Variants in ATP2B1 observed in about 807,000 individuals in gnomAD.
The protein encoded by ATP2B1 is ATPase plasma membrane Ca2+ transporting 1.
A neutral mutation model predicts 124.2 loss-of-function variants in ATP2B1; 14 were observed. The observed-to-expected ratio is 0.11, with a 90% confidence interval of 0.07 to 0.18. The LOEUF (loss-of-function observed/expected upper bound fraction) is 0.18, where lower values mean the gene tolerates loss of function less well. Among genes scored for constraint, ATP2B1 ranks in the 10% least tolerant of loss-of-function variants. The pLI is 1.00. For missense variants in ATP2B1, 763 were observed against 1,466.1 expected, an observed-to-expected ratio of 0.52 and a Z score of 7.83; for synonymous variants, 449 against 492.4, an observed-to-expected ratio of 0.91 and a Z score of 1.17.
At chr12:89,599,427 C>A in intron 19 of ATP2B1, 128 bp from the exon 20 acceptor site, 7 of 967,946 alleles carry the variant, frequency 7.2e-6, no homozygotes, top group Non-Finnish European at 1.0e-5. Flanking sequence ...GTAATGGGAT[C>A]CTGTTGATTA....
intron 20 of ATP2B1, among the ~76,000 whole-genome samples, chr12:89,596,807 G>A (rs1874700480): frequency 6.6e-6 from 1 of 152,054 alleles, no homozygotes; most frequent in African/African-American, 2.4e-5. Flanking sequence ...TCCTTCTTGT[G>A]GGGTATAAAC....
intron 19 of ATP2B1, 41 bp from the exon 20 acceptor site, chr12:89,599,340 A>G: frequency 6.3e-7 from 1 of 1,592,700 alleles, no homozygotes. Flanking sequence ...AATCATATCA[A>G]GTAAAGGTAA....
At chr12:89,624,432 T>C in intron 8 of ATP2B1, 35 bp from the exon 9 acceptor site, 1 of 1,556,628 alleles carries the variant, frequency 6.4e-7, no homozygotes, top group South Asian at 1.2e-5. Flanking sequence ...AATGTGATTA[T>C]TAAATTTCCA....
intron 18 of ATP2B1, among the ~76,000 whole-genome samples, chr12:89,601,666 T>C (rs1331016521): frequency 6.6e-6 from 1 of 152,166 alleles, no homozygotes; most frequent in Admixed American, 6.5e-5. Context: ...GTAAAATCTC[T>C]GCCCAATATT....
chr12:89,627,753 G>C (rs373627226), intron 6 of ATP2B1, 37 bp from the exon 7 acceptor site: 6 of 1,597,446 alleles, frequency 3.8e-6, no homozygotes, highest in Non-Finnish European at 5.1e-6. Flanking sequence ...CTTTCCAAAA[G>C]AAATGAATAC....
chr12:89,656,070 T>C lies in ATP2B1; in HGVS notation c.-184A>G. The C allele has an allele frequency of 1.8e-6, 1 of 567,400 alleles. No homozygotes were observed. Among genetic ancestry groups the C allele is most frequent in the Non-Finnish European group, 3.0e-6 (1 of 333,322 alleles). The allele number at this position is 567,400 out of a possible 1,614,324, so 35.1% of individuals were successfully genotyped here. On this transcript the variant is annotated 5_prime_UTR_variant, in exon 2 of 21. The change abolishes an upstream ATG in the 5' untranslated region. Coordinates refer to ENST00000428670, the MANE Select transcript of ATP2B1 (RefSeq NM_001366521.1). ...GAGAAGTATCTTGACCTTTGGCCCA[T>C]GACTAGTTTCTCCATATCAATCATG...
intron 1 of ATP2B1, among the ~76,000 whole-genome samples, chr12:89,707,704 C>G (rs1370861304): frequency 6.6e-6 from 1 of 152,120 alleles, no homozygotes; most frequent in South Asian, 2.1e-4. Context: ...GCACAGGGTG[C>G]GAGCACTCCC....
intron 1 of ATP2B1, among the ~76,000 whole-genome samples, chr12:89,667,106 T>C (rs1243902748): frequency 2.0e-5 from 3 of 152,152 alleles, no homozygotes; most frequent in Admixed American, 2.0e-4. Flanking sequence ...CAATGCTTCC[T>C]CCTAATGGCC....
At chr12:89,592,311 C>T (rs1873728637) in intron 20 of ATP2B1, among the ~76,000 whole-genome samples, 1 of 151,966 alleles carries the variant, frequency 6.6e-6, no homozygotes, top group Non-Finnish European at 1.5e-5. Flanking sequence ...CTAATAAATC[C>T]TGTTTAGTAA....
intron 15 of ATP2B1, among the ~76,000 whole-genome samples, chr12:89,604,797 T>C (rs948647990): frequency 6.6e-6 from 1 of 152,076 alleles, no homozygotes; most frequent in African/African-American, 2.4e-5. Flanking sequence ...ACAAGAAAGC[T>C]GAATCCTAAT....
At position 89,698,717 on chromosome 12, in the gene ATP2B1, T is replaced by C. The variant is rs553045183; in HGVS notation, c.-222+9879A>G. On this transcript the variant is annotated intron_variant, in intron 1 of 20. Coordinates refer to ENST00000428670, the MANE Select transcript of ATP2B1 (RefSeq NM_001366521.1). ...TCTGGATTCAATATGGGTTTCACAGTAGGGTGAGCTGACTGGGACATTTTC... is the reference window on the plus strand; with the variant it reads ...TCTGGATTCAATATGGGTTTCACAGCAGGGTGAGCTGACTGGGACATTTTC... Among the ~76,000 whole-genome samples the C allele has an allele frequency of 7.9e-5, 12 of 152,266 alleles. No individual in the cohort carries two copies. The South Asian group carries it at 1.5e-3, about 18-fold the overall frequency.
intron 20 of ATP2B1, among the ~76,000 whole-genome samples, chr12:89,591,682 CA>C (rs1356699628): frequency 3.3e-5 from 5 of 151,754 alleles, no homozygotes; most frequent in Non-Finnish European, 5.9e-5. Flanking sequence ...GAAAACAACT[CA>C]AATAAGTTAA....
chr12:89,662,424 T>C (rs1886824401), intron 1 of ATP2B1, among the ~76,000 whole-genome samples: 1 of 152,172 alleles, frequency 6.6e-6, no homozygotes, highest in African/African-American at 2.4e-5. Flanking sequence ...AAGAGTTTAT[T>C]CTACAAAGTT....
chr12:89,656,502 T>C (rs1411836417), intron 1 of ATP2B1, among the ~76,000 whole-genome samples: 1 of 152,178 alleles, frequency 6.6e-6, no homozygotes, highest in East Asian at 1.9e-4. Flanking sequence ...TTCAAGAAAG[T>C]GAGTTTTCTG....
intron 1 of ATP2B1, among the ~76,000 whole-genome samples, chr12:89,672,495 G>A (rs1023804705): frequency 1.3e-5 from 2 of 152,026 alleles, no homozygotes; most frequent in Non-Finnish European, 2.9e-5. Context: ...AAAGAAACTG[G>A]GCCCTCTGAT....
At chr12:89,652,561 T>C (rs759708499) in intron 2 of ATP2B1, among the ~76,000 whole-genome samples, 7 of 152,238 alleles carry the variant, frequency 4.6e-5, no homozygotes, top group Non-Finnish European at 7.3e-5. Context: ...GTACTTGCTG[T>C]CTAGTTCATT....
At chr12:89,676,918 T>C (rs1485231476) in intron 1 of ATP2B1, among the ~76,000 whole-genome samples, 1 of 152,106 alleles carries the variant, frequency 6.6e-6, no homozygotes. Context: ...TTCTACACGG[T>C]GGCAAATCAA....
chr12:89,658,407 C>G (rs1886218464), intron 1 of ATP2B1, among the ~76,000 whole-genome samples: 1 of 152,074 alleles, frequency 6.6e-6, no homozygotes, highest in Admixed American at 6.5e-5. Context: ...AGGGGCAGAC[C>G]CCAAGGTTTA....
intron 8 of ATP2B1, among the ~76,000 whole-genome samples, chr12:89,626,233 C>G (rs1880854580): frequency 6.6e-6 from 1 of 152,180 alleles, no homozygotes; most frequent in East Asian, 1.9e-4. Context: ...TGTAACTGGA[C>G]AGACTTAGGC....
Sources: gnomAD v4.1 joint callset for allele counts (sites outside exome capture counted in the v4.1 genomes callset) on GRCh38, gnomAD v4.1.1 for gene constraint, MANE v1.5 for transcripts, NCBI Gene and HGNC (gene_info 2026-07-23, HGNC 2026-07-21) for gene names.